The following COL11A1 variants were observed in gnomAD, a reference collection of about 807,000 sequenced individuals.
COL11A1 encodes collagen type XI alpha 1 chain.
Under a neutral mutation model 265.2 loss-of-function variants are expected in COL11A1, and 74 were observed. The observed-to-expected ratio is 0.28, with a 90% CI of 0.23 to 0.34. The LOEUF (loss-of-function observed/expected upper bound fraction) is 0.34, where lower values mean the gene tolerates loss of function less well. COL11A1 is among the 10% of genes least tolerant of loss of function. The pLI, the probability that COL11A1 is intolerant of heterozygous loss-of-function variation, is 1.00. For synonymous variants in COL11A1, 816 were observed against 727.6 expected, an observed-to-expected ratio of 1.12 and a Z score of -1.96; for missense variants, 2,165 against 2,263.6, an observed-to-expected ratio of 0.96 and a Z score of 0.88.
rs532250728 is a variant in COL11A1, at chr1:102,998,451, C to A, written c.2143-88G>T. The A allele has an allele frequency of 3.2e-4, 270 of 855,620 alleles. 2 individuals carry two copies. In the South Asian group the frequency reaches 3.6e-3, roughly 11 times the overall value. 53.0% of individuals were successfully genotyped at this position (855,620 alleles called of 1,614,324 possible). A position where few individuals can be genotyped will look rare whatever the true frequency, so the allele number is the denominator to read the frequency against. On this transcript the variant is annotated intron_variant, in intron 24 of 66. Coordinates refer to ENST00000370096, the MANE Select transcript of COL11A1 (RefSeq NM_001854.4). Reference sequence around the variant, plus strand: ...ATATACTATGAATGAAATTCTTATCCTGAGTCACTGGCTTCAATTCATAAG... The same window carrying A: ...ATATACTATGAATGAAATTCTTATCATGAGTCACTGGCTTCAATTCATAAG...
At chr1:102,890,533 A>T in intron 57 of COL11A1, 29 bp from the exon 58 acceptor site, 2 of 1,576,370 alleles carry the variant, frequency 1.3e-6, no homozygotes, top group Non-Finnish European at 1.7e-6. Context: ...AAAACCCCAA[A>T]ACAAAAACAG....
At position 102,878,060 on chromosome 1, in the gene COL11A1, T is replaced by C; in HGVS notation, c.5380A>G (p.Lys1794Glu). ...MINDFGDQNQ[K>E]FGFEVGPVCF... ...ACAGGACCAACTTCAAATCCGAACT[T>C]CTGATTCTGATCACCAAAGTCATTG... is the stretch of plus-strand genomic sequence containing the variant. The change falls in exon 67 of 67, where the codon AAG (lysine) becomes GAG (glutamate). Residue 1794 changes from lysine (K) to glutamate (E), a missense_variant. Coordinates refer to ENST00000370096, the MANE Select transcript of COL11A1 (RefSeq NM_001854.4). 6.2e-7 allele frequency: 1 copy of C among 1,613,728 alleles called. No individual in the cohort carries two copies. The highest frequency in any genetic ancestry group is 1.7e-5 in the Admixed American group (1 of 59,990).
At chr1:103,023,480 C>A (rs1225154096) in intron 7 of COL11A1, among the ~76,000 whole-genome samples, 1 of 151,772 alleles carries the variant, frequency 6.6e-6, no homozygotes, top group African/African-American at 2.4e-5. Context: ...GCCTCAGCCT[C>A]CCGAGTAGCT....
chr1:102,932,291 G>A (rs1303150797), intron 46 of COL11A1, among the ~76,000 whole-genome samples: 1 of 151,910 alleles, frequency 6.6e-6, no homozygotes, highest in Non-Finnish European at 1.5e-5. Context: ...AGGCCTGGTG[G>A]TGACAAAATC....
chr1:102,918,559 T>G (rs114399549), intron 49 of COL11A1, among the ~76,000 whole-genome samples: 2 of 148,126 alleles, frequency 1.4e-5, no homozygotes, highest in Non-Finnish European at 3.0e-5. Flanking sequence ...ATTATACTAT[T>G]CTTGATTAAA....
intron 1 of COL11A1, among the ~76,000 whole-genome samples, chr1:103,089,310 A>G (rs1673118509): frequency 6.6e-6 from 1 of 152,092 alleles, no homozygotes; most frequent in Admixed American, 6.5e-5. Flanking sequence ...TTATTCTAGG[A>G]GATTTATTCT....
chr1:103,010,062 TG>T (rs1665970584), intron 14 of COL11A1, among the ~76,000 whole-genome samples: 1 of 152,164 alleles, frequency 6.6e-6, no homozygotes, highest in Admixed American at 6.5e-5. Flanking sequence ...TTCTAAAAAA[TG>T]TCACACAGTC....
chr1:103,066,310 T>A (rs1671142531), intron 4 of COL11A1, among the ~76,000 whole-genome samples: 1 of 151,942 alleles, frequency 6.6e-6, no homozygotes, highest in Non-Finnish European at 1.5e-5. Context: ...TTTGGTGGTA[T>A]GTTCAATATA....
chr1:102,948,224 A>T (rs1371592086), intron 41 of COL11A1, among the ~76,000 whole-genome samples: 1 of 152,086 alleles, frequency 6.6e-6, no homozygotes, highest in African/African-American at 2.4e-5. Flanking sequence ...TTCACAAATC[A>T]GTTTAACTTT....
At chr1:103,024,397 T>C (rs1667357984) in intron 7 of COL11A1, among the ~76,000 whole-genome samples, 1 of 152,210 alleles carries the variant, frequency 6.6e-6, no homozygotes, top group Non-Finnish European at 1.5e-5. Flanking sequence ...TTCTATTCCA[T>C]AGTAAATCTA....
intron 31 of COL11A1, 53 bp downstream of exon 31, chr1:102,984,085 T>C: frequency 8.3e-7 from 1 of 1,211,922 alleles, no homozygotes; most frequent in South Asian, 1.2e-5. Context: ...TCATAAGTGA[T>C]TAATATTATC....
intron 54 of COL11A1, among the ~76,000 whole-genome samples, chr1:102,906,558 C>A (rs867620252): frequency 6.6e-6 from 1 of 152,046 alleles, no homozygotes; most frequent in East Asian, 1.9e-4. Flanking sequence ...CAGGCATGTG[C>A]CACCACACCT....
At chr1:102,906,132 G>A (rs1653954776) in intron 54 of COL11A1, among the ~76,000 whole-genome samples, 1 of 152,002 alleles carries the variant, frequency 6.6e-6, no homozygotes, top group South Asian at 2.1e-4. Flanking sequence ...CAGGCATTAG[G>A]CTTTGTGCTT....
At chr1:103,069,060 AG>A (rs1671370641) in intron 4 of COL11A1, among the ~76,000 whole-genome samples, 1 of 151,828 alleles carries the variant, frequency 6.6e-6, no homozygotes, top group Non-Finnish European at 1.5e-5. Context: ...GAAGTTAATA[AG>A]CTTATTCTAA....
At chr1:102,952,989 G>T (rs1660035296) in intron 41 of COL11A1, among the ~76,000 whole-genome samples, 1 of 152,150 alleles carries the variant, frequency 6.6e-6, no homozygotes, top group African/African-American at 2.4e-5. Flanking sequence ...CTATTCTCTT[G>T]GGACACTTGA....
intron 1 of COL11A1, among the ~76,000 whole-genome samples, chr1:103,083,248 C>CTGTGTGTGTGTGTG (rs76992260): frequency 1.0e-4 from 15 of 148,066 alleles, no homozygotes; most frequent in African/African-American, 3.5e-4. Flanking sequence ...GTGTCTGTGT[C>CTGTGTGTGTGTGTG]TGTGTGTGTG....
intron 36 of COL11A1, among the ~76,000 whole-genome samples, chr1:102,974,079 G>T (rs190594447): frequency 2.4e-4 from 36 of 152,234 alleles, no homozygotes; most frequent in African/African-American, 8.2e-4. Context: ...TATCCCAAGA[G>T]CTGTGGATGC....
Position 103,074,605 on chromosome 1 carries a change from G to T in COL11A1, c.651+13C>A, listed in dbSNP as rs766470998. ...TTTGTCAATATTCAGCTTAGAGTTG[G>T]ATTTATTTTTACCTCAAAAACTTCT... On this transcript the variant is annotated intron_variant, in intron 4 of 66. Coordinates refer to ENST00000370096, the MANE Select transcript of COL11A1 (RefSeq NM_001854.4). 2 of 1,612,276 alleles carry T rather than the reference G, an allele frequency of 1.2e-6. No individual in the cohort carries two copies. The highest frequency in any genetic ancestry group is 4.5e-5 in the East Asian group (2 of 44,840).
Position 102,996,660 on chromosome 1 carries a change from A to C in COL11A1, c.2241+420T>G, listed in dbSNP as rs1033744933. Among the ~76,000 whole-genome samples the C allele has an allele frequency of 2.0e-5, 3 of 151,884 alleles. No individual in the cohort carries two copies. The East Asian group carries it at 5.8e-4, about 29-fold the overall frequency. On this transcript the variant is annotated intron_variant, in intron 26 of 66. Transcript: ENST00000370096. ...CTGTAATCTAAAGTACTAACATTGAATATGCACATATTACATTTCACTTTG... is the reference window on the plus strand; with the variant it reads ...CTGTAATCTAAAGTACTAACATTGACTATGCACATATTACATTTCACTTTG...
Sources: gnomAD v4.1 joint callset for allele counts (sites outside exome capture counted in the v4.1 genomes callset) on GRCh38, gnomAD v4.1.1 for gene constraint, MANE v1.5 for transcripts, NCBI Gene and HGNC (gene_info 2026-07-23, HGNC 2026-07-21) for gene names.